ARHGAP6: variants seen among roughly 807,000 people sequenced by gnomAD.
The protein encoded by ARHGAP6 is rho GTPase-activating protein 6.
Under a neutral mutation model 55.7 loss-of-function variants are expected in ARHGAP6, and 16 were observed. The observed-to-expected ratio is 0.29, with a 90% CI of 0.19 to 0.44. The LOEUF is 0.44. ARHGAP6 is among the 20% of genes least tolerant of loss of function. The pLI is 1.00. For missense variants in ARHGAP6, 698 were observed against 808.9 expected (o/e 0.86, Z 1.66); for synonymous variants, 382 against 360.9 (o/e 1.06, Z -0.66).
At chrX:11,147,254 AAC>A (rs1420430284) in intron 10 of ARHGAP6, among the ~76,000 whole-genome samples, 1 of 111,018 alleles carries the variant, frequency 9.0e-6, no homozygotes, top group Non-Finnish European at 1.9e-5. Flanking sequence ...CATATTCATA[AAC>A]ACATATACAC....
At chrX:11,420,244 T>C (rs2049803698) in intron 1 of ARHGAP6, among the ~76,000 whole-genome samples, 1 of 112,451 alleles carries the variant, frequency 8.9e-6, no homozygotes, top group Admixed American at 9.4e-5. Context: ...GTTGCATCAC[T>C]GGATCTACCT....
intron 2 of ARHGAP6, among the ~76,000 whole-genome samples, chrX:11,232,380 G>C (rs1340347298): frequency 1.8e-5 from 2 of 111,347 alleles, no homozygotes; most frequent in Non-Finnish European, 3.8e-5. Flanking sequence ...CAGCACTTTG[G>C]GAGGCTGAGG....
chrX:11,324,280 C>G (rs2048471801), intron 1 of ARHGAP6, among the ~76,000 whole-genome samples: 1 of 111,715 alleles, frequency 9.0e-6, no homozygotes, highest in African/African-American at 3.3e-5. Flanking sequence ...CAGTGGCTAC[C>G]AAGAGGAAGT....
At chrX:11,391,529 C>T (rs902780333) in intron 1 of ARHGAP6, among the ~76,000 whole-genome samples, 1 of 110,827 alleles carries the variant, frequency 9.0e-6, no homozygotes, top group African/African-American at 3.3e-5. Context: ...TACTCTCAAA[C>T]AAGCAATTTA....
intron 1 of ARHGAP6, among the ~76,000 whole-genome samples, chrX:11,658,373 T>C (rs1053350537): frequency 9.0e-6 from 1 of 111,722 alleles, no homozygotes; most frequent in Non-Finnish European, 1.9e-5. Context: ...AGAGTGTATG[T>C]GTGAAAGTTG....
chrX:11,418,662 G>C (rs1006563442), intron 1 of ARHGAP6, among the ~76,000 whole-genome samples: 1 of 111,760 alleles, frequency 8.9e-6, no homozygotes, highest in African/African-American at 3.3e-5. Context: ...CAAAATATAC[G>C]TAGAATATAT....
chrX:11,298,701 A>T, intron 1 of ARHGAP6: 4 of 1,210,679 alleles, frequency 3.3e-6, no homozygotes, highest in Non-Finnish European at 4.5e-6. Flanking sequence ...CCAGCAACCA[A>T]TGATGCCCGT....
At chrX:11,428,815 A>T (rs964648580) in intron 1 of ARHGAP6, among the ~76,000 whole-genome samples, 10 of 111,913 alleles carry the variant, frequency 8.9e-5, no homozygotes, top group Non-Finnish European at 1.5e-4. Context: ...CAATCACAGC[A>T]TAATTATAAT....
intron 1 of ARHGAP6, among the ~76,000 whole-genome samples, chrX:11,512,105 T>C (rs139417244): frequency 0.075 from 8,359 of 111,343 alleles, 370 homozygotes; most frequent in East Asian, 0.18. Flanking sequence ...GGATTACAGG[T>C]GTGAGCCACC....
chrX:11,551,516 C>T (rs2051266339), intron 1 of ARHGAP6, among the ~76,000 whole-genome samples: 1 of 111,467 alleles, frequency 9.0e-6, no homozygotes, highest in African/African-American at 3.3e-5. Flanking sequence ...CAGAGTTTGA[C>T]ATTTCAGAAG....
intron 1 of ARHGAP6, among the ~76,000 whole-genome samples, chrX:11,284,180 A>G (rs2047893841): frequency 9.0e-6 from 1 of 111,712 alleles, no homozygotes; most frequent in Non-Finnish European, 1.9e-5. Flanking sequence ...TTTAAGCATT[A>G]AAGTTCATCA....
chrX:11,252,915 C>T (rs1440642462), intron 2 of ARHGAP6, among the ~76,000 whole-genome samples: 1 of 111,941 alleles, frequency 8.9e-6, no homozygotes, highest in Non-Finnish European at 1.9e-5. Context: ...AGAGGCAAGT[C>T]GCCCAAGCTC....
At chrX:11,178,369 C>T in intron 7 of ARHGAP6, 121 bp from the exon 8 acceptor site, 5 of 846,283 alleles carry the variant, frequency 5.9e-6, no homozygotes, top group Non-Finnish European at 6.4e-6. Context: ...CCATTTCATG[C>T]CTTCACTCAT....
At chrX:11,149,472 G>A (rs183591270) in intron 10 of ARHGAP6, among the ~76,000 whole-genome samples, 18 of 110,420 alleles carry the variant, frequency 1.6e-4, no homozygotes, top group African/African-American at 5.6e-4. Flanking sequence ...TTGGGGGAGG[G>A]GGGCAGGGGC....
intron 2 of ARHGAP6, among the ~76,000 whole-genome samples, chrX:11,229,888 C>T (rs1172205919): frequency 8.9e-6 from 1 of 111,884 alleles, no homozygotes; most frequent in Non-Finnish European, 1.9e-5. Flanking sequence ...TTCTGTTTTT[C>T]TGCCTACAGT....
intron 1 of ARHGAP6, among the ~76,000 whole-genome samples, chrX:11,534,090 G>A (rs1159956452): frequency 1.8e-5 from 2 of 111,197 alleles, no homozygotes; most frequent in Non-Finnish European, 3.8e-5. Flanking sequence ...AGAAATAAAT[G>A]GACTCAAGAG....
chrX:11,232,155 G>A (rs913108850), intron 2 of ARHGAP6, among the ~76,000 whole-genome samples: 2 of 111,686 alleles, frequency 1.8e-5, no homozygotes, highest in African/African-American at 6.5e-5. Context: ...AGTTATTCGA[G>A]TGTGCTATTG....
intron 1 of ARHGAP6, among the ~76,000 whole-genome samples, chrX:11,646,245 AT>A (rs2052525618): frequency 9.0e-6 from 1 of 111,489 alleles, no homozygotes; most frequent in African/African-American, 3.3e-5. Context: ...TGTAATACCC[AT>A]GGGTATTACA....
chrX:11,265,743 T>A (rs754363283), intron 1 of ARHGAP6: 21 of 919,364 alleles, frequency 2.3e-5, no homozygotes, highest in Admixed American at 5.0e-5. Context: ...TGAACTAAGC[T>A]TGCAGTAGGA....
Sources: gnomAD v4.1 joint callset for allele counts (sites outside exome capture counted in the v4.1 genomes callset) on GRCh38, gnomAD v4.1.1 for gene constraint, MANE v1.5 for transcripts, NCBI Gene and HGNC (gene_info 2026-07-23, HGNC 2026-07-21) for gene names.